Variants in DTHD1 observed in about 807,000 individuals in gnomAD.
The protein encoded by DTHD1 is death domain-containing protein 1.
In DTHD1, 59 loss-of-function variants were observed where a neutral mutation model predicts 74.8. The ratio of observed to expected loss-of-function variants is 0.79; its 90% confidence interval spans 0.64 to 0.98. DTHD1 has a LOEUF of 0.98. DTHD1 is among the 50% of genes least tolerant of loss of function. The pLI is 0.00. For missense variants in DTHD1, 1,051 were observed against 1,065.4 expected, an observed-to-expected ratio of 0.99 and a Z score of 0.19; for synonymous variants, 365 against 371.1, an observed-to-expected ratio of 0.98 and a Z score of 0.19.
At chr4:36,337,248 A>G (rs919552576) in intron 8 of DTHD1, among the ~76,000 whole-genome samples, 2 of 152,166 alleles carry the variant, frequency 1.3e-5, no homozygotes, top group East Asian at 1.9e-4. Context: ...AAGGGGCCAC[A>G]TGGGAGACCA....
chr4:36,344,907 G>A lies in DTHD1; in HGVS notation c.*1083G>A, dbSNP rs981628229. On this transcript the variant is annotated 3_prime_UTR_variant, in exon 10 of 10. Transcript: ENST00000639862. ...AAATTGGACTGAAAGACTTGATGTCGGTGGTAGTAACTCACTTTAAAAAAA... is the reference window on the plus strand; with the variant it reads ...AAATTGGACTGAAAGACTTGATGTCAGTGGTAGTAACTCACTTTAAAAAAA... 2.0e-5 allele frequency: 3 copies of A among 151,996 alleles called. No individual in the cohort carries two copies. The highest frequency in any genetic ancestry group is 6.6e-5 in the Admixed American group (1 of 15,250). 9.4% of individuals were successfully genotyped at this position (151,996 alleles called of 1,614,324 possible).
chr4:36,302,071 C>T (rs934578817), intron 5 of DTHD1, among the ~76,000 whole-genome samples: 27 of 152,122 alleles, frequency 1.8e-4, no homozygotes, highest in South Asian at 2.1e-4. Context: ...ACAGCGTCAT[C>T]GGGAGCTCAA....
intron 5 of DTHD1, among the ~76,000 whole-genome samples, chr4:36,305,051 C>A (rs1031020766): frequency 2.0e-5 from 3 of 152,124 alleles, no homozygotes; most frequent in African/African-American, 4.8e-5. Flanking sequence ...TACATACAGC[C>A]AATTTCTTCA....
chr4:36,308,712 G>A (rs1052016789), intron 7 of DTHD1, among the ~76,000 whole-genome samples: 2 of 152,130 alleles, frequency 1.3e-5, no homozygotes, highest in Non-Finnish European at 2.9e-5. Flanking sequence ...AAGATTCTAA[G>A]TGACACTTTT....
At chr4:36,339,922 G>T (rs1437660694) in intron 9 of DTHD1, among the ~76,000 whole-genome samples, 1 of 152,190 alleles carries the variant, frequency 6.6e-6, no homozygotes, top group Non-Finnish European at 1.5e-5. Flanking sequence ...TAAAAAGAGA[G>T]CAGATGATAT....
At chr4:36,319,454 G>A (rs369828962) in intron 8 of DTHD1, among the ~76,000 whole-genome samples, 23 of 152,334 alleles carry the variant, frequency 1.5e-4, no homozygotes, top group African/African-American at 4.3e-4. Context: ...ATGAAGATGT[G>A]GAGTGGAGAG....
At chr4:36,291,687 G>A (rs1410523906) in intron 3 of DTHD1, among the ~76,000 whole-genome samples, 1 of 152,150 alleles carries the variant, frequency 6.6e-6, no homozygotes, top group Non-Finnish European at 1.5e-5. Flanking sequence ...AATTAGCTGG[G>A]CCTGGTAGTG....
At chr4:36,293,917 C>T (rs1179092354) in intron 4 of DTHD1, among the ~76,000 whole-genome samples, 7 of 151,876 alleles carry the variant, frequency 4.6e-5, no homozygotes, top group South Asian at 4.2e-4. Context: ...TCTCTTTATT[C>T]GAAAGATTTT....
chr4:36,323,242 C>G (rs1758141532), intron 8 of DTHD1, among the ~76,000 whole-genome samples: 1 of 152,150 alleles, frequency 6.6e-6, no homozygotes, highest in African/African-American at 2.4e-5. Flanking sequence ...TCAACACTTT[C>G]TTTCTCACCA....
chr4:36,301,953 G>T (rs930273294), intron 5 of DTHD1, among the ~76,000 whole-genome samples: 5 of 152,098 alleles, frequency 3.3e-5, no homozygotes, highest in African/African-American at 1.2e-4. Context: ...GCTCATTTTT[G>T]TCCAGAAACT....
At chr4:36,288,963 T>C (rs1267020271) in intron 2 of DTHD1, among the ~76,000 whole-genome samples, 1 of 152,220 alleles carries the variant, frequency 6.6e-6, no homozygotes, top group Non-Finnish European at 1.5e-5. Context: ...AGCAGAACAA[T>C]GTGCTGAGTC....
chr4:36,311,774 C>T (rs1291610783), intron 7 of DTHD1: 1 of 152,158 alleles, frequency 6.6e-6, no homozygotes, highest in Non-Finnish European at 1.5e-5. Flanking sequence ...ATTCAGTCCC[C>T]AGCACCTAGG....
In DTHD1 at chr4:36,343,823, A is replaced by G; in HGVS notation, c.2720A>G (p.Ter907=). 6.5e-7 allele frequency: 1 copy of G among 1,541,988 alleles called. No homozygotes were observed. ...PQQCFDVAPE[*] Reference sequence around the variant, plus strand: ...CAGTGTTTTGATGTAGCCCCTGAGTAAAAGCCTGATCTCTCTTCCTTTACC... The same window carrying G: ...CAGTGTTTTGATGTAGCCCCTGAGTGAAAGCCTGATCTCTCTTCCTTTACC... Residue 907 remains the stop codon, a stop_retained_variant, in exon 10 of 10, where the codon TAA becomes TGA. Transcript: ENST00000639862.
intron 9 of DTHD1, 120 bp from the exon 10 acceptor site, chr4:36,343,382 C>A: frequency 1.1e-6 from 1 of 913,942 alleles, no homozygotes; most frequent in Non-Finnish European, 1.6e-6. Context: ...CATATCTCTG[C>A]ACTGCTCCAA....
intron 8 of DTHD1, among the ~76,000 whole-genome samples, chr4:36,325,815 C>A (rs1225853710): frequency 6.6e-6 from 1 of 152,138 alleles, no homozygotes; most frequent in Non-Finnish European, 1.5e-5. Context: ...CATCTTCAGT[C>A]CCTCTAATAT....
At chr4:36,323,603 A>G (rs939022211) in intron 8 of DTHD1, among the ~76,000 whole-genome samples, 5 of 118,762 alleles carry the variant, frequency 4.2e-5, no homozygotes, top group African/African-American at 1.3e-4. Context: ...TTGAAAGAGC[A>G]CATTAGAAGA....
chr4:36,286,489 T>G (rs1371495412), intron 2 of DTHD1, among the ~76,000 whole-genome samples: 2 of 152,218 alleles, frequency 1.3e-5, no homozygotes, highest in East Asian at 3.8e-4. Context: ...CAGAATGTGT[T>G]GTCAATTCCC....
In DTHD1 at chr4:36,294,869, A is replaced by G. The variant is rs1003012905; in HGVS notation, c.1473A>G (p.Thr491=). The part of the protein sequence containing the change: ...QQDTFYSVQS[T]SPLIHIQHPS... The stretch of plus-strand genomic sequence containing the variant: ...ATACTTTCTACTCAGTCCAATCCAC[A>G]AGCCCTCTGATTCACATTCAGCACC... The change falls in exon 5 of 10, where the codon ACA becomes ACG. Residue 491 remains threonine, a synonymous_variant. Coordinates refer to ENST00000639862, the MANE Select transcript of DTHD1 (RefSeq NM_001170700.3). 4 of 1,551,712 alleles carry G rather than the reference A, an allele frequency of 2.6e-6. No individual in the cohort carries two copies. In the African/African-American group the frequency reaches 5.5e-5, roughly 21 times the overall value.
intron 8 of DTHD1, among the ~76,000 whole-genome samples, chr4:36,322,922 G>A (rs948707546): frequency 1.3e-5 from 2 of 152,154 alleles, no homozygotes; most frequent in African/African-American, 4.8e-5. Flanking sequence ...AGAATATTTT[G>A]TGCATGTGTG....
Sources: allele counts gnomAD v4.1 joint callset (sites outside exome capture counted in the v4.1 genomes callset), GRCh38; gene constraint gnomAD v4.1.1; transcripts MANE v1.5; gene names NCBI Gene and HGNC (gene_info 2026-07-23, HGNC 2026-07-21).